MYT1L: variants seen among roughly 807,000 people sequenced by gnomAD.
The protein encoded by MYT1L is myelin transcription factor 1-like protein.
A neutral mutation model predicts 126.7 loss-of-function variants in MYT1L; 12 were observed. The observed-to-expected ratio is 0.09, with a 90% CI of 0.06 to 0.15. The LOEUF (loss-of-function observed/expected upper bound fraction) is 0.15. MYT1L is among the 10% of genes least tolerant of loss of function. MYT1L has a pLI of 1.00. For missense variants in MYT1L, 979 were observed against 1,585.2 expected (o/e 0.62, Z 6.49); for synonymous variants, 541 against 604.2 (o/e 0.90, Z 1.53).
At chr2:1,939,325 A>G (rs2056373775) in intron 9 of MYT1L, among the ~76,000 whole-genome samples, 1 of 152,148 alleles carries the variant, frequency 6.6e-6, no homozygotes, top group African/African-American at 2.4e-5. Flanking sequence ...AGTGTCACCC[A>G]AGGAACATGA....
At chr2:2,307,777 G>A (rs534173873) in intron 1 of MYT1L, among the ~76,000 whole-genome samples, 39 of 148,804 alleles carry the variant, frequency 2.6e-4, no homozygotes, top group Non-Finnish European at 4.5e-4. Context: ...CTATGCTTCA[G>A]TACACTCTAT....
chr2:2,062,096 G>A lies in MYT1L; in HGVS notation c.-303-7973C>T, dbSNP rs555141698. On this transcript the variant is annotated intron_variant, in intron 3 of 24. Transcript: ENST00000647738. ...AGGGAGGTGCACTAATGCGCTCCAC[G>A]CCCAAGCCCTTCTCACAGTTTCTGC... Among the ~76,000 whole-genome samples the A allele has an allele frequency of 2.6e-5, 4 of 152,300 alleles. No individual in the cohort carries two copies. The South Asian group carries it at 6.2e-4, about 24-fold the overall frequency.
intron 2 of MYT1L, among the ~76,000 whole-genome samples, chr2:2,198,377 C>A (rs2092917953): frequency 6.6e-6 from 1 of 152,000 alleles, no homozygotes; most frequent in Admixed American, 6.6e-5. Context: ...GAGCAAATAA[C>A]AAGGTATTGC....
intron 14 of MYT1L, among the ~76,000 whole-genome samples, chr2:1,895,773 C>T (rs2049486839): frequency 6.6e-6 from 1 of 152,140 alleles, no homozygotes; most frequent in South Asian, 2.1e-4. Context: ...CAACACTGGC[C>T]TTGGCAAATA....
intron 8 of MYT1L, among the ~76,000 whole-genome samples, chr2:1,963,680 T>C (rs1368119663): frequency 6.6e-6 from 1 of 152,262 alleles, no homozygotes; most frequent in East Asian, 1.9e-4. Context: ...TTTTAAGTTA[T>C]GGAGACAGAT....
chr2:2,049,244 A>G (rs2068536786), intron 4 of MYT1L, among the ~76,000 whole-genome samples: 1 of 152,198 alleles, frequency 6.6e-6, no homozygotes, highest in Non-Finnish European at 1.5e-5. Context: ...AAGCAAAACA[A>G]TTTGATTTGG....
At chr2:2,169,676 G>A (rs1188762991) in intron 3 of MYT1L, among the ~76,000 whole-genome samples, 2 of 152,080 alleles carry the variant, frequency 1.3e-5, no homozygotes, top group South Asian at 2.1e-4. Flanking sequence ...TGTAGTTGCA[G>A]AGGATGTGGG....
intron 4 of MYT1L, among the ~76,000 whole-genome samples, chr2:2,025,000 C>T (rs2065394217): frequency 6.6e-6 from 1 of 152,246 alleles, no homozygotes; most frequent in Non-Finnish European, 1.5e-5. Flanking sequence ...CACTGGGCTC[C>T]CGTGGGTCTG....
intron 2 of MYT1L, among the ~76,000 whole-genome samples, chr2:2,210,650 G>T (rs2093472466): frequency 6.6e-6 from 1 of 152,138 alleles, no homozygotes; most frequent in Admixed American, 6.6e-5. Context: ...ATACTCTGAA[G>T]TCAGGTAATG....
In MYT1L at chr2:1,986,528, C is replaced by T. The variant is rs113719740; in HGVS notation, c.1-6751G>A. ...AACCTGAACCAAGTCTCAAAGGCTT[C>T]GAAGATGTCTACAGGGTAATCGAGG... On this transcript the variant is annotated intron_variant, in intron 5 of 24. Transcript: ENST00000647738. 1.4e-3 allele frequency among the ~76,000 whole-genome samples: 208 copies of T among 152,214 alleles called. 2 individuals carry two copies. The highest frequency in any genetic ancestry group is 4.9e-3 in the African/African-American group (203 of 41,528).
chr2:2,240,277 G>A (rs773087843), intron 2 of MYT1L, among the ~76,000 whole-genome samples: 2 of 151,998 alleles, frequency 1.3e-5, no homozygotes, highest in Non-Finnish European at 2.9e-5. Flanking sequence ...TGGGCAAAAA[G>A]AGCGAAACTC....
chr2:2,214,607 T>G (rs1655628405), intron 2 of MYT1L, among the ~76,000 whole-genome samples: 1 of 152,170 alleles, frequency 6.6e-6, no homozygotes, highest in Non-Finnish European at 1.5e-5. Context: ...TACCCTAAAG[T>G]TCTTTGTCCA....
At chr2:1,844,163 C>T (rs891518730) in intron 19 of MYT1L, among the ~76,000 whole-genome samples, 16 of 152,136 alleles carry the variant, frequency 1.1e-4, no homozygotes, top group Non-Finnish European at 2.1e-4. Flanking sequence ...TTCCACACGC[C>T]GTAGCCCAGG....
chr2:1,813,543 G>A (rs1284353775), intron 21 of MYT1L, among the ~76,000 whole-genome samples: 3 of 152,166 alleles, frequency 2.0e-5, no homozygotes, highest in African/African-American at 4.8e-5. Context: ...GGCAGTGGGC[G>A]GGCGAGCATT....
intron 1 of MYT1L, among the ~76,000 whole-genome samples, chr2:2,306,963 T>G (rs917100632): frequency 6.6e-6 from 1 of 152,192 alleles, no homozygotes; most frequent in African/African-American, 2.4e-5. Flanking sequence ...AGAATTCATC[T>G]GGAAGGAACA....
chr2:1,949,980 C>T lies in MYT1L; in HGVS notation c.153-6646G>A, dbSNP rs1399692035. On this transcript the variant is annotated intron_variant, in intron 8 of 24. Transcript: ENST00000647738. ...TGCATTTGAATATAATTCTGGAGCA[C>T]CGGTTTTCAACCAGCTCAGTTAATA... Among the ~76,000 whole-genome samples, 6 of 152,256 alleles carry T rather than the reference C, an allele frequency of 3.9e-5. No individual in the cohort carries two copies. The South Asian group carries it at 1.0e-3, about 26-fold the overall frequency.
At chr2:1,973,823 C>T (rs928518455) in intron 8 of MYT1L, among the ~76,000 whole-genome samples, 1 of 152,194 alleles carries the variant, frequency 6.6e-6, no homozygotes, top group African/African-American at 2.4e-5. Flanking sequence ...AGCTCAGTAG[C>T]AGCAGATGCA....
chr2:2,283,689 G>A (rs1468180883), intron 2 of MYT1L, among the ~76,000 whole-genome samples: 1 of 152,144 alleles, frequency 6.6e-6, no homozygotes, highest in African/African-American at 2.4e-5. Flanking sequence ...ACCTACACGT[G>A]GTCAGGCAAT....
At chr2:2,173,770 A>G (rs1237187115) in intron 2 of MYT1L, among the ~76,000 whole-genome samples, 1 of 152,222 alleles carries the variant, frequency 6.6e-6, no homozygotes, top group African/African-American at 2.4e-5. Context: ...GTCTATGGCA[A>G]TAACAGACAA....
Sources: gnomAD v4.1 joint callset for allele counts (sites outside exome capture counted in the v4.1 genomes callset) on GRCh38, gnomAD v4.1.1 for gene constraint, MANE v1.5 for transcripts, NCBI Gene and HGNC (gene_info 2026-07-23, HGNC 2026-07-21) for gene names.